The following TMCC1 variants were observed in gnomAD, a reference collection of about 807,000 sequenced individuals.
TMCC1 encodes transmembrane and coiled-coil domains protein 1.
In TMCC1, 15 loss-of-function variants were observed where a neutral mutation model predicts 52.4. That is an observed-to-expected ratio of 0.29 (90% CI 0.19 to 0.44). The LOEUF (loss-of-function observed/expected upper bound fraction) is 0.44. Ranked by LOEUF, TMCC1 falls within the 20% of genes least tolerant of loss-of-function variation. TMCC1 has a pLI of 1.00. For synonymous variants in TMCC1, 279 were observed against 301.9 expected (o/e 0.92, Z 0.79); for missense variants, 503 against 806.0 (o/e 0.62, Z 4.55).
intron 4 of TMCC1, among the ~76,000 whole-genome samples, chr3:129,725,714 A>G (rs1290416488): frequency 2.0e-5 from 3 of 152,094 alleles, no homozygotes. Context: ...TACACTATCA[A>G]AGGAAATTTT....
At chr3:129,758,959 A>G (rs2053254978) in intron 4 of TMCC1, among the ~76,000 whole-genome samples, 1 of 152,180 alleles carries the variant, frequency 6.6e-6, no homozygotes, top group Non-Finnish European at 1.5e-5. Context: ...AGGTCCATCT[A>G]TATTGCAGTA....
chr3:129,828,200 C>T lies in TMCC1; in HGVS notation c.179G>A (p.Arg60His). 1.2e-6 allele frequency: 2 copies of T among 1,614,124 alleles called. No homozygotes were observed. The highest frequency in any genetic ancestry group is 1.7e-6 in the Non-Finnish European group (2 of 1,180,030). ...QGLKHLFQHQ[R>H]RRSSVSPHDV... is the part of the protein sequence containing the mutation. ...ATGTGGAGACACTGATGACCTCCTGCGCTGGTGCTGGAAGAGATGCTTCAA... is the reference window on the plus strand; with the variant it reads ...ATGTGGAGACACTGATGACCTCCTGTGCTGGTGCTGGAAGAGATGCTTCAA... Residue 60 changes from arginine (R) to histidine (H), a missense_variant, in exon 4 of 7, where the codon CGC becomes CAC. Arg to His is a conservative substitution (Grantham distance 29). Coordinates refer to ENST00000393238, the MANE Select transcript of TMCC1 (RefSeq NM_001017395.5). The surrounding 1 kb of genome is among the most constrained non-coding windows in gnomAD (Gnocchi z 4.1).
chr3:129,827,598 TG>T (rs1424626810), intron 4 of TMCC1, among the ~76,000 whole-genome samples: 3 of 152,180 alleles, frequency 2.0e-5, no homozygotes, highest in African/African-American at 7.2e-5. Context: ...TATAGCACTA[TG>T]TTAGGAAGGA....
intron 1 of TMCC1, among the ~76,000 whole-genome samples, chr3:129,883,669 T>A (rs551301417): frequency 7.2e-5 from 11 of 152,262 alleles, no homozygotes; most frequent in African/African-American, 2.6e-4. Flanking sequence ...ATATGTATTT[T>A]ACCACAATAA....
rs115383952 is a variant in TMCC1, at chr3:129,670,774, T to A, written c.1067A>T (p.Gln356Leu). The A allele has an allele frequency of 6.2e-7, 1 of 1,614,168 alleles. No homozygotes were observed. The highest frequency in any genetic ancestry group is 2.2e-5 in the East Asian group (1 of 44,878). Residue 356 changes from glutamine (Q) to leucine (L), a missense_variant, in exon 5 of 7, where the codon CAG becomes CTG. This residue lies in a region of TMCC1 where 73 missense variants were observed against 182.9 expected (regional missense o/e 0.40). Coordinates refer to ENST00000393238, the MANE Select transcript of TMCC1 (RefSeq NM_001017395.5). ...AGCGCCTGCTGCTGAATGGGTGGCC[T>A]GGGAGAAGCTGGAAAACCCACCTTT... ...SVKGGFSSFSQATHSAAGAVV... is the reference protein window; with the variant it reads ...SVKGGFSSFSLATHSAAGAVV...
At chr3:129,683,444 C>G (rs1009102898) in intron 4 of TMCC1, among the ~76,000 whole-genome samples, 18 of 152,182 alleles carry the variant, frequency 1.2e-4, no homozygotes, top group Non-Finnish European at 1.8e-4. Flanking sequence ...CTAACTCAAG[C>G]CTTTGATTCC....
chr3:129,671,066 C>T lies in TMCC1; in HGVS notation c.775G>A (p.Val259Ile). ...KIAQTARDDNVAEYLKLANSA... is the reference protein window; with the variant it reads ...KIAQTARDDNIAEYLKLANSA... Reference sequence around the variant, plus strand: ...TTGGCAAGCTTCAAGTATTCAGCAACGTTGTCGTCCCGGGCTGTTTGTGCA... The same window carrying T: ...TTGGCAAGCTTCAAGTATTCAGCAATGTTGTCGTCCCGGGCTGTTTGTGCA... Residue 259 changes from valine (V) to isoleucine (I), a missense_variant, in exon 5 of 7, where the codon GTT becomes ATT. Val to Ile is a conservative substitution (Grantham distance 29, BLOSUM62 3). Around this residue, in one of 7 missense-constraint regions of TMCC1, gnomAD observed 73 missense variants for 182.9 expected, o/e 0.40. Coordinates refer to ENST00000393238, the MANE Select transcript of TMCC1 (RefSeq NM_001017395.5). The T allele has an allele frequency of 1.2e-6, 2 of 1,614,200 alleles. No homozygotes were observed. The highest frequency in any genetic ancestry group is 1.7e-6 in the Non-Finnish European group (2 of 1,180,032).
intron 2 of TMCC1, among the ~76,000 whole-genome samples, chr3:129,857,086 T>C (rs2060175957): frequency 6.6e-6 from 1 of 151,962 alleles, no homozygotes; most frequent in Non-Finnish European, 1.5e-5. Context: ...ACCCGGTTAA[T>C]TTTTTTTGTA....
chr3:129,737,775 T>C (rs2051103225), intron 4 of TMCC1, among the ~76,000 whole-genome samples: 1 of 152,152 alleles, frequency 6.6e-6, no homozygotes, highest in Non-Finnish European at 1.5e-5. Context: ...ATAACTACAA[T>C]GCCATTCTCA....
chr3:129,760,495 T>TGTGTGTGTGTG (rs370985390), intron 4 of TMCC1, among the ~76,000 whole-genome samples: 24 of 144,594 alleles, frequency 1.7e-4, no homozygotes, highest in South Asian at 4.4e-4. Context: ...TGTGTGTGTG[T>TGTGTGTGTGTG]TTTTGAGACA....
At chr3:129,777,357 C>T (rs185856765) in intron 4 of TMCC1, among the ~76,000 whole-genome samples, 154 of 152,280 alleles carry the variant, frequency 1.0e-3, no homozygotes, top group African/African-American at 2.8e-3. Flanking sequence ...GTGGAATAAT[C>T]TGATTTGAAA....
At chr3:129,766,414 A>G (rs1250199229) in intron 4 of TMCC1, among the ~76,000 whole-genome samples, 1 of 152,222 alleles carries the variant, frequency 6.6e-6, no homozygotes, top group East Asian at 1.9e-4. Context: ...TAGCATGCAC[A>G]GAGAATACAA....
chr3:129,696,821 A>G (rs2047447912), intron 4 of TMCC1, among the ~76,000 whole-genome samples: 1 of 152,222 alleles, frequency 6.6e-6, no homozygotes, highest in Admixed American at 6.5e-5. Context: ...CAGGGCAGTC[A>G]AATCTTAAAG....
At chr3:129,655,723 C>A (rs2086625068) in intron 5 of TMCC1, among the ~76,000 whole-genome samples, 1 of 152,198 alleles carries the variant, frequency 6.6e-6, no homozygotes, top group Admixed American at 6.5e-5. Flanking sequence ...TGCCTGCCCT[C>A]AGGAGTTTGT....
intron 2 of TMCC1, among the ~76,000 whole-genome samples, chr3:129,833,337 G>A (rs148355330): frequency 1.3e-5 from 2 of 152,132 alleles, no homozygotes; most frequent in African/African-American, 2.4e-5. Flanking sequence ...CCAGCACTCC[G>A]AGGCAGGAAG....
chr3:129,858,292 T>C (rs147774265), intron 2 of TMCC1, among the ~76,000 whole-genome samples: 1 of 152,306 alleles, frequency 6.6e-6, no homozygotes, highest in East Asian at 1.9e-4. Context: ...ACTAAACAGC[T>C]TCAAGACACA....
At chr3:129,732,514 AT>A (rs2107617429) in intron 4 of TMCC1, among the ~76,000 whole-genome samples, 1 of 152,330 alleles carries the variant, frequency 6.6e-6, no homozygotes, top group East Asian at 1.9e-4. Context: ...TCATAATAAA[AT>A]TTAAAGAGTT....
intron 2 of TMCC1, among the ~76,000 whole-genome samples, chr3:129,840,326 C>CAAAAAAAAAAAAAAA (rs368685429): frequency 1.1e-5 from 1 of 88,292 alleles, no homozygotes. Flanking sequence ...GAACCTGTCT[C>CAAAAAAAAAAAAAAA]AAAAAAAAAA....
At chr3:129,831,053 G>C (rs2058886183) in intron 3 of TMCC1, among the ~76,000 whole-genome samples, 1 of 152,072 alleles carries the variant, frequency 6.6e-6, no homozygotes, top group Non-Finnish European at 1.5e-5. Flanking sequence ...TCCTGCCTCA[G>C]CCTCCAGAGT....
Sources: allele counts gnomAD v4.1 joint callset (sites outside exome capture counted in the v4.1 genomes callset), GRCh38; gene constraint gnomAD v4.1.1; regional missense constraint gnomAD v4.1.1; non-coding constraint Gnocchi (gnomAD v3.1); transcripts MANE v1.5; gene names NCBI Gene and HGNC (gene_info 2026-07-23, HGNC 2026-07-21).